Variants in STK33 observed in about 807,000 individuals in gnomAD.
STK33 encodes serine/threonine kinase 33.
A neutral mutation model predicts 58.0 loss-of-function variants in STK33; 52 were observed. That is an observed-to-expected ratio of 0.90 (90% CI 0.72 to 1.13). The LOEUF (loss-of-function observed/expected upper bound fraction) is 1.13. Ranked by LOEUF, STK33 falls within the 50% of genes most tolerant of loss-of-function variation. STK33 has a pLI of 0.00. For missense variants in STK33, 630 were observed against 604.2 expected (o/e 1.04, Z -0.45); for synonymous variants, 215 against 200.1 (o/e 1.07, Z -0.63).
chr11:8,471,733 T>C (rs1380301022), intron 6 of STK33, among the ~76,000 whole-genome samples: 5 of 152,120 alleles, frequency 3.3e-5, no homozygotes, highest in Admixed American at 1.3e-4. Context: ...TATCCTCTAA[T>C]TTAAAACAGG....
At chr11:8,521,419 C>T (rs1441799273) in intron 1 of STK33, among the ~76,000 whole-genome samples, 2 of 152,146 alleles carry the variant, frequency 1.3e-5, no homozygotes, top group Non-Finnish European at 2.9e-5. Context: ...AACTGGTCAG[C>T]CATATGTAGA....
chr11:8,563,464 G>T (rs1001418899), intron 1 of STK33, among the ~76,000 whole-genome samples: 1 of 152,218 alleles, frequency 6.6e-6, no homozygotes, highest in South Asian at 2.1e-4. Flanking sequence ...GTGTATGAAC[G>T]TAAGTCTGTA....
At chr11:8,346,600 G>T in the STK33 span, among the ~76,000 whole-genome samples, 1 of 152,212 alleles carries the variant, frequency 6.6e-6, no homozygotes, top group African/African-American at 2.4e-5. Flanking sequence ...TCCACCTGAG[G>T]CTCCCGCATG....
chr11:8,498,994 G>A (rs1451211786), intron 1 of STK33, among the ~76,000 whole-genome samples: 1 of 152,082 alleles, frequency 6.6e-6, no homozygotes. Flanking sequence ...AGAAAACCTA[G>A]CCAATACCAT....
chr11:8,365,284 G>A, the STK33 span, among the ~76,000 whole-genome samples: 1 of 152,106 alleles, frequency 6.6e-6, no homozygotes, highest in Non-Finnish European at 1.5e-5. Flanking sequence ...CTCTTCAAGA[G>A]CAAATTCCTC....
At chr11:8,374,640 A>C in the STK33 span, among the ~76,000 whole-genome samples, 2 of 152,160 alleles carry the variant, frequency 1.3e-5, no homozygotes, top group Non-Finnish European at 2.9e-5. Context: ...AATTAACCAT[A>C]ACATACCTCT....
chr11:8,512,724 G>C (rs1952437676), intron 1 of STK33, among the ~76,000 whole-genome samples: 1 of 152,126 alleles, frequency 6.6e-6, no homozygotes, highest in Non-Finnish European at 1.5e-5. Context: ...TGCTGACTCA[G>C]ATTTCTTCTT....
chr11:8,338,346 G>C, the STK33 span, among the ~76,000 whole-genome samples: 1 of 152,202 alleles, frequency 6.6e-6, no homozygotes, highest in Non-Finnish European at 1.5e-5. Context: ...CCCCGGGCCG[G>C]AGGTTTGGCC....
rs186314058 is a variant in STK33 at position 8,422,222 on chromosome 11, T to G, written c.1147-8530A>C. ...ACAAATGATTTCTCTGAAATGATCA[T>G]ATGATTTTTTCCTTTAATATATTAA... On this transcript the variant is annotated intron_variant, in intron 14 of 15. Coordinates refer to ENST00000687296, the MANE Select transcript of STK33 (RefSeq NM_001352389.2). Among the ~76,000 whole-genome samples, 5 of 152,288 alleles carry G rather than the reference T, an allele frequency of 3.3e-5. No individual in the cohort carries two copies. In the East Asian group the frequency reaches 7.7e-4, roughly 23 times the overall value.
intron 14 of STK33, among the ~76,000 whole-genome samples, chr11:8,425,967 A>G (rs1942680172): frequency 6.6e-6 from 1 of 152,122 alleles, no homozygotes; most frequent in Non-Finnish European, 1.5e-5. Context: ...CTGAAGCCCC[A>G]GTGGGTGTGT....
At chr11:8,527,063 C>T (rs1299797065) in intron 1 of STK33, among the ~76,000 whole-genome samples, 5 of 151,070 alleles carry the variant, frequency 3.3e-5, no homozygotes, top group African/African-American at 9.7e-5. Flanking sequence ...ACTCCGCCTC[C>T]GGGGTTCATG....
At chr11:8,568,988 G>C (rs961231699) in intron 1 of STK33, among the ~76,000 whole-genome samples, 5 of 152,124 alleles carry the variant, frequency 3.3e-5, no homozygotes, top group African/African-American at 1.2e-4. Context: ...GGAGTTATAA[G>C]ACATAGACAT....
the STK33 span, among the ~76,000 whole-genome samples, chr11:8,350,295 G>C: frequency 5.9e-5 from 9 of 152,354 alleles, no homozygotes; most frequent in South Asian, 1.0e-3. Context: ...CAGGCAGTTA[G>C]CGCAAGGGCA....
chr11:8,568,208 A>G (rs1250979707), intron 1 of STK33, among the ~76,000 whole-genome samples: 2 of 152,186 alleles, frequency 1.3e-5, no homozygotes, highest in Admixed American at 6.5e-5. Flanking sequence ...GAAGTACCCA[A>G]ATTCATTTTA....
the STK33 span, among the ~76,000 whole-genome samples, chr11:8,384,271 G>A: frequency 2.7e-3 from 410 of 152,346 alleles, 1 homozygote; most frequent in African/African-American, 9.4e-3. Flanking sequence ...ACTGTGAGAA[G>A]TGACCAGAAG....
chr11:8,447,535 C>T (rs1199363941), intron 11 of STK33, among the ~76,000 whole-genome samples: 1 of 152,130 alleles, frequency 6.6e-6, no homozygotes, highest in Non-Finnish European at 1.5e-5. Context: ...ACGACAAAAA[C>T]CATATGATTA....
At chr11:8,396,749 G>A (rs967625689) in intron 15 of STK33, among the ~76,000 whole-genome samples, 23 of 152,310 alleles carry the variant, frequency 1.5e-4, no homozygotes, top group African/African-American at 4.3e-4. Context: ...TTGGAAAATC[G>A]GGTCACTCCC....
intron 1 of STK33, among the ~76,000 whole-genome samples, chr11:8,560,574 ATAAT>A (rs1175440437): frequency 1.3e-5 from 2 of 152,298 alleles, no homozygotes; most frequent in Non-Finnish European, 2.9e-5. Flanking sequence ...ATGAAATCAA[ATAAT>A]TAATCTTTTC....
chr11:8,535,546 A>G (rs1045542890), intron 1 of STK33, among the ~76,000 whole-genome samples: 9 of 152,322 alleles, frequency 5.9e-5, no homozygotes, highest in African/African-American at 1.7e-4. Flanking sequence ...ATATCATCTT[A>G]CCCCAATCAG....
Sources: gnomAD v4.1 joint callset for allele counts (sites outside exome capture counted in the v4.1 genomes callset) on GRCh38, gnomAD v4.1.1 for gene constraint, MANE v1.5 for transcripts, NCBI Gene and HGNC (gene_info 2026-07-23, HGNC 2026-07-21) for gene names.